The following COL8A1 variants were observed in gnomAD, a reference collection of about 807,000 sequenced individuals.
COL8A1 encodes the protein collagen alpha-1(VIII) chain.
Under a neutral mutation model 42.7 loss-of-function variants are expected in COL8A1, and 21 were observed. The observed-to-expected ratio is 0.49, with a 90% CI of 0.35 to 0.71. The LOEUF (loss-of-function observed/expected upper bound fraction) is 0.71, where lower values mean the gene tolerates loss of function less well. Among genes scored for constraint, COL8A1 ranks in the 30% least tolerant of loss-of-function variants. The pLI, the probability that COL8A1 is intolerant of heterozygous loss-of-function variation, is 0.01. For missense variants in COL8A1, 788 were observed against 962.4 expected (o/e 0.82, Z 2.40); for synonymous variants, 367 against 369.1 (o/e 0.99, Z 0.06).
At position 99,794,936 on chromosome 3, in the gene COL8A1, A is replaced by C. The variant is rs752112881; in HGVS notation, c.1035A>C (p.Pro345=). ...EQGLPGLPGP[P]GLPGIGKPGF... ...GACTGCCAGGGCTACCAGGACCCCC[A>C]GGCCTTCCAGGGATTGGGAAACCAG... The change falls in exon 4 of 4, where the codon CCA becomes CCC. Residue 345 remains proline (P), a synonymous_variant. Coordinates refer to ENST00000652472, the MANE Select transcript of COL8A1 (RefSeq NM_020351.4). The surrounding 1 kb of genome is among the most constrained non-coding windows in gnomAD (Gnocchi z 4.3). The C allele has an allele frequency of 6.3e-7, 1 of 1,594,320 alleles. No homozygotes were observed. The highest frequency in any genetic ancestry group is 1.4e-5 in the African/African-American group (1 of 74,016).
chr3:99,744,553 A>G (rs1290429677), intron 1 of COL8A1, among the ~76,000 whole-genome samples: 1 of 152,220 alleles, frequency 6.6e-6, no homozygotes, highest in African/African-American at 2.4e-5. Flanking sequence ...GACCCTTCTT[A>G]AGTAAAATTA....
At chr3:99,681,186 A>G (rs1318195324) in intron 1 of COL8A1, among the ~76,000 whole-genome samples, 2 of 152,230 alleles carry the variant, frequency 1.3e-5, no homozygotes, top group African/African-American at 2.4e-5. Context: ...ATAAACTACC[A>G]TCAGAGTGAA....
intron 1 of COL8A1, among the ~76,000 whole-genome samples, chr3:99,655,830 C>A (rs1319204351): frequency 6.6e-6 from 1 of 152,126 alleles, no homozygotes; most frequent in Non-Finnish European, 1.5e-5. Flanking sequence ...GTTCTCAGAA[C>A]ATAGCCAACT....
chr3:99,771,987 T>C (rs1385664003), intron 2 of COL8A1, among the ~76,000 whole-genome samples: 1 of 152,196 alleles, frequency 6.6e-6, no homozygotes, highest in African/African-American at 2.4e-5. Flanking sequence ...CAGTCATGAA[T>C]ACCTTCCAAT....
chr3:99,764,701 C>CTTTTTTTTTTTTT (rs10648559), intron 2 of COL8A1, among the ~76,000 whole-genome samples: 24 of 125,042 alleles, frequency 1.9e-4, no homozygotes, highest in African/African-American at 3.0e-4. Flanking sequence ...TCTTTTTTTT[C>CTTTTTTTTTTTTT]TTTTTTTTTT....
intron 2 of COL8A1, among the ~76,000 whole-genome samples, chr3:99,765,039 TTATTAA>T (rs1309656465): frequency 6.6e-6 from 1 of 152,176 alleles, no homozygotes; most frequent in East Asian, 1.9e-4. Context: ...AAGAGAACAG[TTATTAA>T]TAATAATAGT....
intron 2 of COL8A1, among the ~76,000 whole-genome samples, chr3:99,755,357 A>G (rs952042693): frequency 2.0e-4 from 30 of 152,146 alleles, no homozygotes; most frequent in African/African-American, 7.0e-4. Flanking sequence ...GAATAATTAG[A>G]CTTCAAGGAT....
At chr3:99,660,471 T>C (rs759165077) in intron 1 of COL8A1, among the ~76,000 whole-genome samples, 3 of 152,222 alleles carry the variant, frequency 2.0e-5, no homozygotes, top group African/African-American at 2.4e-5. Context: ...TGTTACATCC[T>C]TGCAGTCAGC....
chr3:99,783,357 A>C (rs1177242163), intron 2 of COL8A1, among the ~76,000 whole-genome samples: 1 of 152,200 alleles, frequency 6.6e-6, no homozygotes, highest in Non-Finnish European at 1.5e-5. Context: ...CATGGGGATG[A>C]TTGGCTGCTC....
chr3:99,737,563 C>T (rs1940765374), intron 1 of COL8A1, among the ~76,000 whole-genome samples: 1 of 152,130 alleles, frequency 6.6e-6, no homozygotes, highest in African/African-American at 2.4e-5. Context: ...CCCCCACTCT[C>T]TTCTGGCTTG....
chr3:99,773,935 A>C (rs1293379992), intron 2 of COL8A1, among the ~76,000 whole-genome samples: 1 of 139,930 alleles, frequency 7.1e-6, no homozygotes, highest in East Asian at 2.1e-4. Context: ...ACCTCCGCCT[A>C]CCAAGTTCAA....
rs144393467 is a variant in COL8A1, at chr3:99,721,664, T to C, written c.-128-23233T>C. On this transcript the variant is annotated intron_variant, in intron 1 of 3. Transcript: ENST00000652472. ...ATTTTATAACAATTATTCATCCTAT[T>C]TTGATATCTGGAGTATAATTAAATT... is the stretch of plus-strand genomic sequence containing the variant. Among the ~76,000 whole-genome samples, 587 of 152,252 alleles carry C rather than the reference T, an allele frequency of 3.9e-3. 2 individuals are homozygous for C. The highest frequency in any genetic ancestry group is 5.1e-3 in the Non-Finnish European group (345 of 67,994).
intron 2 of COL8A1, among the ~76,000 whole-genome samples, chr3:99,786,180 G>A (rs186809514): frequency 5.5e-4 from 84 of 152,054 alleles, no homozygotes; most frequent in Admixed American, 7.2e-4. Context: ...ATTCCCTACC[G>A]TTCTTTCCAA....
intron 1 of COL8A1, among the ~76,000 whole-genome samples, chr3:99,705,637 T>C (rs979829653): frequency 1.1e-4 from 17 of 152,156 alleles, no homozygotes; most frequent in African/African-American, 4.1e-4. Flanking sequence ...GTCTAATACA[T>C]GACAGATCAA....
At chr3:99,748,100 C>T (rs1401163868) in intron 2 of COL8A1, among the ~76,000 whole-genome samples, 4 of 152,180 alleles carry the variant, frequency 2.6e-5, no homozygotes, top group South Asian at 2.1e-4. Context: ...CAGTTATTAA[C>T]GATCCCCATT....
At chr3:99,697,111 C>T (rs962251376) in intron 1 of COL8A1, among the ~76,000 whole-genome samples, 31 of 149,150 alleles carry the variant, frequency 2.1e-4, no homozygotes, top group African/African-American at 7.4e-4. Flanking sequence ...CTCAGCCTCC[C>T]GAGTAGCTGG....
Position 99,725,234 on chromosome 3 carries a change from T to A in COL8A1, c.-128-19663T>A, listed in dbSNP as rs1178632124. On this transcript the variant is annotated intron_variant, in intron 1 of 3. Coordinates refer to ENST00000652472, the MANE Select transcript of COL8A1 (RefSeq NM_020351.4). ...TCCAAGAGTTGGATTCTCACCGAAC[T>A]CTCCCTGGACAGCAGGACATTGCTG... Among the ~76,000 whole-genome samples, 3 of 152,054 alleles carry A rather than the reference T, an allele frequency of 2.0e-5. No individual in the cohort carries two copies. The East Asian group carries it at 5.8e-4, about 30-fold the overall frequency.
intron 1 of COL8A1, among the ~76,000 whole-genome samples, chr3:99,732,992 A>G (rs1358553952): frequency 6.6e-6 from 1 of 152,126 alleles, no homozygotes; most frequent in Non-Finnish European, 1.5e-5. Flanking sequence ...TTAAAGCTCC[A>G]GAATGATCTC....
At chr3:99,655,016 C>T (rs1348915502) in intron 1 of COL8A1, among the ~76,000 whole-genome samples, 2 of 151,978 alleles carry the variant, frequency 1.3e-5, no homozygotes, top group South Asian at 2.1e-4. Flanking sequence ...GTGCTAGATG[C>T]CATGAAGGAT....
Sources: allele counts gnomAD v4.1 joint callset (sites outside exome capture counted in the v4.1 genomes callset), GRCh38; gene constraint gnomAD v4.1.1; non-coding constraint Gnocchi (gnomAD v3.1); transcripts MANE v1.5; gene names NCBI Gene and HGNC (gene_info 2026-07-23, HGNC 2026-07-21).